The following DCTN4 variants were observed in gnomAD, a reference collection of about 807,000 sequenced individuals.
The protein encoded by DCTN4 is dynactin 4 (p62).
DCTN4 carries 23 observed loss-of-function variants against 62.7 expected under a neutral mutation model. The observed-to-expected ratio is 0.37, with a 90% CI of 0.26 to 0.52. The LOEUF (loss-of-function observed/expected upper bound fraction) is 0.52, where lower values mean the gene tolerates loss of function less well. DCTN4 is among the 20% of genes least tolerant of loss of function. The probability of loss-of-function intolerance (pLI) is 0.92; values close to 1 mark genes in which losing one functional copy is unlikely to be tolerated. For synonymous variants in DCTN4, 199 were observed against 202.1 expected (o/e 0.98, Z 0.13); for missense variants, 514 against 580.4 (o/e 0.89, Z 1.18).
intron 4 of DCTN4, among the ~76,000 whole-genome samples, chr5:150,735,996 T>C (rs959133584): frequency 2.0e-5 from 3 of 150,914 alleles, no homozygotes; most frequent in African/African-American, 4.9e-5. Context: ...ATCACAATTT[T>C]TGAAATGACA....
At position 150,733,443 on chromosome 5, in the gene DCTN4, A is replaced by G. The variant is rs1324742428; in HGVS notation, c.462T>C (p.Leu154=). 2 of 1,614,126 alleles carry G rather than the reference A, an allele frequency of 1.2e-6. No homozygotes were observed. The highest frequency in any genetic ancestry group is 1.3e-5 in the African/African-American group (1 of 75,058). ...CTCGCTCAACCTTCTCTTTCTGAGCAAGCTGCTGGTAATATTCAATCAATT... is the reference window on the plus strand; with the variant it reads ...CTCGCTCAACCTTCTCTTTCTGAGCGAGCTGCTGGTAATATTCAATCAATT... ...MNKLIEYYQQ[L]AQKEKVERDR... is the part of the protein sequence containing the mutation. Residue 154 remains leucine (L), a synonymous_variant, in exon 5 of 13, where the codon CTT becomes CTC. Transcript: ENST00000447998.
chr5:150,717,500 G>A (rs1759809281), intron 11 of DCTN4, among the ~76,000 whole-genome samples: 2 of 152,100 alleles, frequency 1.3e-5, no homozygotes, highest in African/African-American at 4.8e-5. Context: ...CACTCACCTT[G>A]GCCTCCCAAA....
chr5:150,753,197 A>G (rs1752739928), intron 3 of DCTN4, among the ~76,000 whole-genome samples: 3 of 152,206 alleles, frequency 2.0e-5, no homozygotes, highest in Non-Finnish European at 4.4e-5. Context: ...ATGTCTTAAC[A>G]TGAATGTTTA....
At chr5:150,744,250 A>C (rs1760876601) in intron 3 of DCTN4, among the ~76,000 whole-genome samples, 1 of 152,096 alleles carries the variant, frequency 6.6e-6, no homozygotes, top group African/African-American at 2.4e-5. Flanking sequence ...AAAAAGAATA[A>C]AAAGAAACGA....
rs1336417490 is a variant in DCTN4, at chr5:150,715,662, C to T, written c.1072G>A (p.Val358Met). 16 of 1,613,894 alleles carry T rather than the reference C, an allele frequency of 9.9e-6. No individual in the cohort carries two copies. The highest frequency in any genetic ancestry group is 1.4e-5 in the Non-Finnish European group (16 of 1,179,842). Residue 358 changes from valine to methionine, a missense_variant and splice_region_variant, in exon 12 of 13, where the codon GTG (valine) becomes ATG (methionine). Physicochemically the swap from Val to Met is conservative, Grantham distance 21. Transcript: ENST00000447998. ...ACGAGCTCTTTGGGAGGCACCACCA[C>T]CTGGAGAGCAACACAGAGAGGCCTG... ...DPDDINSTAK[V>M]VVPPKELVLA... is the part of the protein sequence containing the mutation.
intron 8 of DCTN4, among the ~76,000 whole-genome samples, chr5:150,723,408 A>G (rs1231599584): frequency 6.6e-6 from 1 of 152,254 alleles, no homozygotes; most frequent in Admixed American, 6.5e-5. Flanking sequence ...GAGCCAATAA[A>G]AATGGACACT....
intron 1 of DCTN4, chr5:150,758,465 T>C (rs372382987): frequency 4.9e-5 from 49 of 993,880 alleles, no homozygotes; most frequent in East Asian, 1.1e-4. Context: ...GGGAGAACTA[T>C]GAATGAGAAC....
At position 150,715,806 on chromosome 5, in the gene DCTN4, G is replaced by A. The variant is rs111634206; in HGVS notation, c.1072-144C>T. ...CTTCTATGGAGTTTATAAGAACAAA[G>A]GTTTTAAGAGAAAGCTAAGTTAGTA... is the stretch of plus-strand genomic sequence containing the variant. On this transcript the variant is annotated intron_variant, in intron 11 of 12. Coordinates refer to ENST00000447998, the MANE Select transcript of DCTN4 (RefSeq NM_016221.4). The A allele has an allele frequency of 5.7e-4, 367 of 639,712 alleles. 2 individuals carry two copies. In the African/African-American group the frequency reaches 5.9e-3, roughly 10 times the overall value. The allele number at this position is 639,712 out of a possible 1,614,324, so 39.6% of individuals were successfully genotyped here.
intron 5 of DCTN4, among the ~76,000 whole-genome samples, chr5:150,732,299 G>A (rs541889935): frequency 2.6e-5 from 4 of 152,220 alleles, no homozygotes; most frequent in South Asian, 2.1e-4. Context: ...ATAGGCGTGC[G>A]CCACCATGCC....
chr5:150,747,039 C>A (rs1201085205), intron 3 of DCTN4, among the ~76,000 whole-genome samples: 1 of 151,964 alleles, frequency 6.6e-6, no homozygotes, highest in Non-Finnish European at 1.5e-5. Flanking sequence ...TCTAGAAAAC[C>A]CCATCGTCTC....
At chr5:150,736,731 A>G (rs1024869012) in intron 4 of DCTN4, among the ~76,000 whole-genome samples, 4 of 152,184 alleles carry the variant, frequency 2.6e-5, no homozygotes, top group Admixed American at 2.6e-4. Context: ...TCAGGCAACA[A>G]CTAGCACAAT....
intron 5 of DCTN4, 134 bp from the exon 6 acceptor site, chr5:150,731,623 T>A: frequency 1.4e-6 from 1 of 714,398 alleles, no homozygotes. Context: ...TAAAGGCTTC[T>A]TTTAAAGAAA....
At chr5:150,747,868 A>C (rs1752514824) in intron 3 of DCTN4, among the ~76,000 whole-genome samples, 1 of 147,268 alleles carries the variant, frequency 6.8e-6, no homozygotes, top group African/African-American at 2.6e-5. Flanking sequence ...ACCATTCAGG[A>C]CATAGGCATG....
At chr5:150,755,270 C>T (rs975449193) in intron 2 of DCTN4, among the ~76,000 whole-genome samples, 3 of 152,194 alleles carry the variant, frequency 2.0e-5, no homozygotes, top group Admixed American at 2.0e-4. Flanking sequence ...GACAGATCTT[C>T]CATGCAAAAG....
rs1367706549 is a variant in DCTN4, at chr5:150,758,984, A to C, written c.10T>G (p.Leu4Val). 6.2e-7 allele frequency: 1 copy of C among 1,613,966 alleles called. No individual in the cohort carries two copies. Among genetic ancestry groups the C allele is most frequent in the Non-Finnish European group, 8.5e-7 (1 of 1,179,854 alleles). Residue 4 changes from leucine (L) to valine (V), a missense_variant, in exon 1 of 13, where the codon TTG becomes GTG. Leu to Val is a conservative substitution (Grantham distance 32). Coordinates refer to ENST00000447998, the MANE Select transcript of DCTN4 (RefSeq NM_016221.4). MAS[L>V]LQSDRVLYLV... ...TAGAGAACCCGGTCCGACTGCAGCAAGGACGCCATCTTGGGGAGGGAGGAG... is the reference window on the plus strand; with the variant it reads ...TAGAGAACCCGGTCCGACTGCAGCACGGACGCCATCTTGGGGAGGGAGGAG...
At position 150,731,169 on chromosome 5, in the gene DCTN4, AAAAAC is replaced by A. The variant is rs750811794; in HGVS notation, c.612-18_612-14del. The A allele has an allele frequency of 1.5e-4, 226 of 1,555,878 alleles. 1 individual carries two copies. The highest frequency in any genetic ancestry group is 5.4e-4 in the Admixed American group (32 of 59,068). On this transcript the variant is annotated splice_polypyrimidine_tract_variant and intron_variant, in intron 6 of 12. Coordinates refer to ENST00000447998, the MANE Select transcript of DCTN4 (RefSeq NM_016221.4). The stretch of plus-strand genomic sequence containing the variant: ...TCCTTCTTTAAGGCTGAAAAATTAA[AAAAAC>A]AAAACAAAACAAAACAAAAGAGTAA...
chr5:150,711,836 C>T (rs767247875), intron 12 of DCTN4, among the ~76,000 whole-genome samples: 1 of 151,976 alleles, frequency 6.6e-6, no homozygotes, highest in African/African-American at 2.4e-5. Context: ...TTTCTATGAG[C>T]TTATACTTTT....
intron 12 of DCTN4, among the ~76,000 whole-genome samples, chr5:150,711,901 T>A (rs985562581): frequency 7.2e-5 from 11 of 152,178 alleles, no homozygotes; most frequent in African/African-American, 2.7e-4. Context: ...TGCTTTTTTT[T>A]AACTCTGTTT....
chr5:150,738,449 G>A (rs775782020), intron 4 of DCTN4, among the ~76,000 whole-genome samples: 53 of 152,088 alleles, frequency 3.5e-4, no homozygotes, highest in Non-Finnish European at 6.5e-4. Context: ...AGGGATGCAG[G>A]GATGGTTTGA....
Sources: allele counts gnomAD v4.1 joint callset (sites outside exome capture counted in the v4.1 genomes callset), GRCh38; gene constraint gnomAD v4.1.1; transcripts MANE v1.5; gene names NCBI Gene and HGNC (gene_info 2026-07-23, HGNC 2026-07-21).